Variants in AGBL1 observed in about 807,000 individuals in gnomAD.
The protein encoded by AGBL1 is cytosolic carboxypeptidase 4.
In AGBL1, 130 loss-of-function variants were observed where a neutral mutation model predicts 118.9. The observed-to-expected ratio is 1.09, with a 90% CI of 0.95 to 1.26. The LOEUF is 1.26. Ranked by LOEUF, AGBL1 falls within the 50% of genes most tolerant of loss-of-function variation. The probability of loss-of-function intolerance (pLI) is 0.00; values close to 1 mark genes in which losing one functional copy is unlikely to be tolerated. For synonymous variants in AGBL1, 555 were observed against 478.9 expected (o/e 1.16, Z -2.08); for missense variants, 1,584 against 1,298.1 (o/e 1.22, Z -3.38).
At chr15:86,242,342 T>C (rs1032998500) in intron 6 of AGBL1, among the ~76,000 whole-genome samples, 2 of 152,230 alleles carry the variant, frequency 1.3e-5, no homozygotes, top group African/African-American at 2.4e-5. Flanking sequence ...GTACCTATTA[T>C]GTACCAGGCA....
chr15:86,388,052 A>G (rs1453638257), intron 17 of AGBL1, among the ~76,000 whole-genome samples: 2 of 152,144 alleles, frequency 1.3e-5, no homozygotes, highest in African/African-American at 4.8e-5. Context: ...GGAAATGATA[A>G]TCTGGTCAGT....
chr15:86,250,380 G>A (rs988204820), intron 7 of AGBL1, among the ~76,000 whole-genome samples: 1 of 151,540 alleles, frequency 6.6e-6, no homozygotes, highest in Non-Finnish European at 1.5e-5. Context: ...CAAAAAATTA[G>A]CCGGGCGTGG....
chr15:86,610,882 C>T (rs982183059), intron 21 of AGBL1, among the ~76,000 whole-genome samples: 1 of 152,116 alleles, frequency 6.6e-6, no homozygotes, highest in Admixed American at 6.6e-5. Flanking sequence ...TGCTCTGGAT[C>T]AGTGGTTCTC....
intron 21 of AGBL1, among the ~76,000 whole-genome samples, chr15:86,563,442 A>T (rs1426025993): frequency 6.6e-6 from 1 of 152,162 alleles, no homozygotes; most frequent in African/African-American, 2.4e-5. Flanking sequence ...GTTTCCATGT[A>T]GTTGAGCGGT....
At chr15:86,343,744 G>A (rs567971527) in intron 17 of AGBL1, among the ~76,000 whole-genome samples, 2 of 152,292 alleles carry the variant, frequency 1.3e-5, no homozygotes, top group Admixed American at 6.5e-5. Flanking sequence ...TCCAGTGCCT[G>A]TGGGTTCTCA....
chr15:86,399,966 T>G (rs2081420996), intron 18 of AGBL1, among the ~76,000 whole-genome samples: 1 of 152,192 alleles, frequency 6.6e-6, no homozygotes, highest in Admixed American at 6.5e-5. Context: ...GAAATCATAG[T>G]GTTATTCTAC....
rs149499744 is a variant in AGBL1 at position 86,658,091 on chromosome 15, A to G, written c.2995-16182A>G. The stretch of plus-strand genomic sequence containing the variant: ...TATGTATGTATGTGTGTATATATTC[A>G]TGTATTTATGTATGTATAATGAAAG... On this transcript the variant is annotated intron_variant, in intron 21 of 22. Coordinates refer to ENST00000614907, the MANE Select transcript of AGBL1 (RefSeq NM_001386094.1). 2.7e-3 allele frequency among the ~76,000 whole-genome samples: 413 copies of G among 152,206 alleles called. 2 individuals are homozygous for G. Among genetic ancestry groups the G allele is most frequent in the African/African-American group, 7.4e-3 (306 of 41,538 alleles).
At chr15:86,819,741 C>G (rs562059113) in intron 22 of AGBL1, among the ~76,000 whole-genome samples, 1 of 152,150 alleles carries the variant, frequency 6.6e-6, no homozygotes, top group South Asian at 2.1e-4. Context: ...AGATTCAATG[C>G]TATCCCCATC....
At chr15:86,571,558 G>C (rs2084006414) in intron 21 of AGBL1, among the ~76,000 whole-genome samples, 1 of 152,126 alleles carries the variant, frequency 6.6e-6, no homozygotes, top group South Asian at 2.1e-4. Flanking sequence ...CAAAGAGGGT[G>C]GTTCCTCTCT....
intron 18 of AGBL1, among the ~76,000 whole-genome samples, chr15:86,410,939 TTATA>T (rs1205940083): frequency 1.0e-5 from 1 of 95,756 alleles, no homozygotes; most frequent in Non-Finnish European, 2.1e-5. Context: ...ATAACATATA[TTATA>T]TATATATAGA....
At chr15:86,289,660 C>G (rs542112435) in intron 16 of AGBL1, among the ~76,000 whole-genome samples, 9 of 152,132 alleles carry the variant, frequency 5.9e-5, no homozygotes, top group Admixed American at 1.3e-4. Context: ...CCTCCCTCCA[C>G]GTTCAAAGCC....
At chr15:86,748,710 T>A (rs1237846995) in intron 22 of AGBL1, among the ~76,000 whole-genome samples, 1 of 151,818 alleles carries the variant, frequency 6.6e-6, no homozygotes, top group Admixed American at 6.6e-5. Flanking sequence ...AAGTATCCAG[T>A]TTCAGCTTTC....
intron 22 of AGBL1, among the ~76,000 whole-genome samples, chr15:86,752,101 A>G (rs1382331575): frequency 6.6e-6 from 1 of 152,042 alleles, no homozygotes; most frequent in Non-Finnish European, 1.5e-5. Context: ...CCAATGGCCC[A>G]TCTTAGCAGG....
chr15:86,820,523 A>G (rs994448199), intron 22 of AGBL1, among the ~76,000 whole-genome samples: 6 of 152,250 alleles, frequency 3.9e-5, no homozygotes, highest in Non-Finnish European at 8.8e-5. Context: ...GGAGAAGGAT[A>G]TGAACAAACA....
At chr15:86,571,850 G>C (rs1368109380) in intron 21 of AGBL1, among the ~76,000 whole-genome samples, 1 of 152,126 alleles carries the variant, frequency 6.6e-6, no homozygotes, top group African/African-American at 2.4e-5. Flanking sequence ...GCTTAAAGGT[G>C]GGGCTTCACT....
At position 86,143,848 on chromosome 15, in the gene AGBL1, A is replaced by G. The variant is rs1461177409; in HGVS notation, c.262+3A>G. The G allele has an allele frequency of 5.0e-6, 8 of 1,613,310 alleles. No homozygotes were observed. Among genetic ancestry groups the G allele is most frequent in the East Asian group, 2.2e-5 (1 of 44,812 alleles). On this transcript the variant is annotated splice_donor_region_variant and intron_variant, in intron 3 of 22. Transcript: ENST00000614907. ...GCTGGCCAAAGTTGGCCTAAGAGGT[A>G]CTCGTACTCCAAGACCTAAAGCTGA...
intron 23 of AGBL1, among the ~76,000 whole-genome samples, chr15:86,923,050 G>C (rs1163712691): frequency 6.6e-6 from 1 of 152,220 alleles, no homozygotes; most frequent in African/African-American, 2.4e-5. Context: ...AAGGAGTCCA[G>C]GTATCCGGCC....
intron 22 of AGBL1, among the ~76,000 whole-genome samples, chr15:86,835,210 G>A (rs1480911471): frequency 6.6e-6 from 1 of 152,096 alleles, no homozygotes; most frequent in African/African-American, 2.4e-5. Context: ...GCAAAAAGAA[G>A]TGAAGCAACT....
chr15:86,288,424 T>C (rs2079489197), intron 16 of AGBL1, among the ~76,000 whole-genome samples: 1 of 152,196 alleles, frequency 6.6e-6, no homozygotes, highest in Non-Finnish European at 1.5e-5. Flanking sequence ...CTTTAGTTAA[T>C]AATTTAATAT....
Sources: gnomAD v4.1 joint callset for allele counts (sites outside exome capture counted in the v4.1 genomes callset) on GRCh38, gnomAD v4.1.1 for gene constraint, MANE v1.5 for transcripts, NCBI Gene and HGNC (gene_info 2026-07-23, HGNC 2026-07-21) for gene names.